Variants in RANBP17 observed in about 807,000 individuals in gnomAD.
The protein encoded by RANBP17 is RAN binding protein 17, also known as ran-binding protein 17.
RANBP17 carries 158 observed loss-of-function variants against 141.2 expected under a neutral mutation model. The observed-to-expected ratio is 1.12, with a 90% CI of 0.98 to 1.28. The LOEUF is 1.28. Ranked by LOEUF, RANBP17 falls within the 50% of genes most tolerant of loss-of-function variation. The pLI, the probability that RANBP17 is intolerant of heterozygous loss-of-function variation, is 0.00. For synonymous variants in RANBP17, 430 were observed against 450.0 expected, an observed-to-expected ratio of 0.96 and a Z score of 0.56; for missense variants, 1,438 against 1,290.7, an observed-to-expected ratio of 1.11 and a Z score of -1.75.
intron 7 of RANBP17, among the ~76,000 whole-genome samples, chr5:170,912,704 A>G (rs1771629468): frequency 3.9e-5 from 1 of 25,572 alleles, no homozygotes; most frequent in South Asian, 0.013. Context: ...GATAGGAGGA[A>G]AAAAAAACCA....
At chr5:171,115,315 A>G (rs1755542545) in intron 14 of RANBP17, among the ~76,000 whole-genome samples, 2 of 152,160 alleles carry the variant, frequency 1.3e-5, no homozygotes, top group Admixed American at 6.5e-5. Flanking sequence ...ATGAAATGGA[A>G]ATTATTGAGA....
At chr5:171,091,218 T>G (rs561637519) in intron 14 of RANBP17, among the ~76,000 whole-genome samples, 1 of 152,290 alleles carries the variant, frequency 6.6e-6, no homozygotes, top group South Asian at 2.1e-4. Flanking sequence ...ACCCACTTCT[T>G]GCATCATCAT....
chr5:170,952,212 A>G (rs753969796), intron 12 of RANBP17, among the ~76,000 whole-genome samples: 2 of 152,044 alleles, frequency 1.3e-5, no homozygotes, highest in Non-Finnish European at 2.9e-5. Flanking sequence ...CTTTCTGGAT[A>G]CTTTCAGCTT....
At chr5:170,988,263 C>A (rs187305746) in intron 14 of RANBP17, among the ~76,000 whole-genome samples, 28 of 149,592 alleles carry the variant, frequency 1.9e-4, no homozygotes, top group African/African-American at 6.6e-4. Flanking sequence ...GGATTGTTCT[C>A]GAGTAATTAT....
At chr5:171,087,186 AG>A (rs1467797908) in intron 14 of RANBP17, among the ~76,000 whole-genome samples, 17 of 150,820 alleles carry the variant, frequency 1.1e-4, no homozygotes, top group Admixed American at 2.6e-4. Flanking sequence ...TTGGTTTCAA[AG>A]AACATCTTTA....
chr5:171,006,940 G>C (rs556274099), intron 14 of RANBP17, among the ~76,000 whole-genome samples: 2 of 152,064 alleles, frequency 1.3e-5, no homozygotes, highest in African/African-American at 2.4e-5. Context: ...AGGAAACCAC[G>C]TAATCTCGCT....
At chr5:171,042,886 A>G (rs1782340101) in intron 14 of RANBP17, among the ~76,000 whole-genome samples, 1 of 152,182 alleles carries the variant, frequency 6.6e-6, no homozygotes, top group Non-Finnish European at 1.5e-5. Context: ...ACTTGGATAA[A>G]TCATTTCATA....
At chr5:171,044,851 GATTGAT>G (rs1479358720) in intron 14 of RANBP17, among the ~76,000 whole-genome samples, 1 of 152,036 alleles carries the variant, frequency 6.6e-6, no homozygotes, top group Non-Finnish European at 1.5e-5. Context: ...GTCTATCCTA[GATTGAT>G]ATTACTTGGG....
At chr5:171,081,411 G>T (rs1785251987) in intron 14 of RANBP17, among the ~76,000 whole-genome samples, 1 of 152,160 alleles carries the variant, frequency 6.6e-6, no homozygotes. Flanking sequence ...TTAGATTGCT[G>T]TATAGTAGTT....
At chr5:171,181,453 GAA>G (rs200716648) in intron 16 of RANBP17, among the ~76,000 whole-genome samples, 3 of 136,800 alleles carry the variant, frequency 2.2e-5, no homozygotes, top group Non-Finnish European at 1.6e-5. Flanking sequence ...GTCTGTCTCA[GAA>G]AAAAAAAAAA....
intron 14 of RANBP17, among the ~76,000 whole-genome samples, chr5:171,132,044 TG>T (rs1181098712): frequency 6.6e-6 from 1 of 152,208 alleles, no homozygotes; most frequent in Non-Finnish European, 1.5e-5. Context: ...GTTCAATAGA[TG>T]AAATTTATAG....
chr5:170,929,749 C>T (rs1001152284), intron 12 of RANBP17, among the ~76,000 whole-genome samples: 1 of 152,098 alleles, frequency 6.6e-6, no homozygotes, highest in Non-Finnish European at 1.5e-5. Context: ...GTTTCCTCTT[C>T]CTCCTCTATC....
At chr5:171,296,300 GAA>G (rs1219209988) in intron 27 of RANBP17, among the ~76,000 whole-genome samples, 1 of 152,152 alleles carries the variant, frequency 6.6e-6, no homozygotes, top group Admixed American at 6.5e-5. Flanking sequence ...AACTGTAATT[GAA>G]AGATCAAAAG....
At chr5:170,863,675 T>C (rs922722811) in intron 1 of RANBP17, 1 of 152,102 alleles carries the variant, frequency 6.6e-6, no homozygotes, top group Admixed American at 6.6e-5. Flanking sequence ...ATCTTGAGAG[T>C]AAATTAAAAG....
At chr5:171,006,244 G>C (rs1011221239) in intron 14 of RANBP17, among the ~76,000 whole-genome samples, 3 of 152,152 alleles carry the variant, frequency 2.0e-5, no homozygotes, top group Admixed American at 6.5e-5. Flanking sequence ...TCCCATTACT[G>C]GGTATATACC....
intron 14 of RANBP17, among the ~76,000 whole-genome samples, chr5:171,000,671 A>G (rs1035754606): frequency 2.6e-5 from 4 of 152,162 alleles, no homozygotes; most frequent in African/African-American, 9.6e-5. Flanking sequence ...CTGAGTCTGA[A>G]AAGAGAGTCA....
intron 14 of RANBP17, among the ~76,000 whole-genome samples, chr5:171,128,923 A>G (rs929834529): frequency 1.3e-5 from 2 of 152,204 alleles, no homozygotes; most frequent in Non-Finnish European, 2.9e-5. Flanking sequence ...TATTCTTTCA[A>G]TAGATATTAA....
chr5:171,103,437 G>A (rs941757150), intron 14 of RANBP17, among the ~76,000 whole-genome samples: 2 of 152,092 alleles, frequency 1.3e-5, no homozygotes, highest in African/African-American at 4.8e-5. Context: ...TGGTAATGGT[G>A]GATTCCCCTC....
intron 24 of RANBP17, chr5:171,252,768 T>G: frequency 7.6e-7 from 1 of 1,320,206 alleles, no homozygotes; most frequent in Non-Finnish European, 1.1e-6. Flanking sequence ...TTGCTTCATA[T>G]GAAAGTGTGG....
Sources: allele counts gnomAD v4.1 joint callset (sites outside exome capture counted in the v4.1 genomes callset), GRCh38; gene constraint gnomAD v4.1.1; transcripts MANE v1.5; gene names NCBI Gene and HGNC (gene_info 2026-07-23, HGNC 2026-07-21).